The following TGFBR3 variants were observed in gnomAD, a reference collection of about 807,000 sequenced individuals.
TGFBR3 encodes transforming growth factor beta receptor 3.
A neutral mutation model predicts 87.9 loss-of-function variants in TGFBR3; 46 were observed. The ratio of observed to expected loss-of-function variants is 0.52; its 90% CI spans 0.41 to 0.67. The LOEUF (loss-of-function observed/expected upper bound fraction) is 0.67, where lower values mean the gene tolerates loss of function less well. Among genes scored for constraint, TGFBR3 ranks in the 30% least tolerant of loss-of-function variants. The pLI is 0.00. For synonymous variants in TGFBR3, 381 were observed against 391.6 expected (o/e 0.97, Z 0.32); for missense variants, 866 against 1,041.9 (o/e 0.83, Z 2.32).
chr1:91,831,033 T>C (rs778282749), intron 2 of TGFBR3, among the ~76,000 whole-genome samples: 5 of 152,036 alleles, frequency 3.3e-5, no homozygotes, highest in African/African-American at 4.8e-5. Flanking sequence ...ATCATCACCA[T>C]TGTGTTTCCA....
At chr1:91,892,286 C>T (rs1679467455) in intron 2 of TGFBR3, among the ~76,000 whole-genome samples, 1 of 152,202 alleles carries the variant, frequency 6.6e-6, no homozygotes, top group Admixed American at 6.5e-5. Flanking sequence ...GCTCTCCCAA[C>T]AGCAGGGCTG....
rs12038213 is a variant in TGFBR3 at position 91,815,301 on chromosome 1, A to T, written c.62-17830T>A. 4.3e-3 allele frequency among the ~76,000 whole-genome samples: 606 copies of T among 140,920 alleles called. 3 individuals are homozygous for T. The highest frequency in any genetic ancestry group is 7.9e-3 in the East Asian group (37 of 4,656). The allele number at this position is 140,920 out of a possible 152,430, so 92.4% of individuals were successfully genotyped here. On this transcript the variant is annotated intron_variant, in intron 2 of 16. Coordinates refer to ENST00000212355, the MANE Select transcript of TGFBR3 (RefSeq NM_003243.5). ...TGGGTGACAGAGCAAGACTCCATCT[A>T]AAAATAAAATAAAATAAAATAAAAT...
At chr1:91,891,968 C>T (rs1679460633) in intron 2 of TGFBR3, among the ~76,000 whole-genome samples, 1 of 152,106 alleles carries the variant, frequency 6.6e-6, no homozygotes, top group African/African-American at 2.4e-5. Flanking sequence ...AGAAAAAATA[C>T]AATCAGATGA....
Position 91,790,897 on chromosome 1 carries a change from C to T in TGFBR3, c.246+6390G>A, listed in dbSNP as rs113884606. Among the ~76,000 whole-genome samples, 340 of 152,260 alleles carry T rather than the reference C, an allele frequency of 2.2e-3. 2 individuals are homozygous for T. Among genetic ancestry groups the T allele is most frequent in the African/African-American group, 7.7e-3 (319 of 41,538 alleles). On this transcript the variant is annotated intron_variant, in intron 3 of 16. Transcript: ENST00000212355. ...GTTCTTTTAGTGGTGTTGGGCAAGGCACACCCACTCCTCCCCAAGCACTGT... is the reference window on the plus strand; with the variant it reads ...GTTCTTTTAGTGGTGTTGGGCAAGGTACACCCACTCCTCCCCAAGCACTGT...
At chr1:91,837,196 C>A (rs1677095959) in intron 2 of TGFBR3, among the ~76,000 whole-genome samples, 1 of 151,484 alleles carries the variant, frequency 6.6e-6, no homozygotes, top group Non-Finnish European at 1.5e-5. Flanking sequence ...AACAAATTAA[C>A]TTCATGAAGA....
intron 2 of TGFBR3, among the ~76,000 whole-genome samples, chr1:91,825,772 G>C (rs1676611269): frequency 6.6e-6 from 1 of 152,154 alleles, no homozygotes; most frequent in African/African-American, 2.4e-5. Context: ...CCTGAGGTCA[G>C]GAGTTTGAAA....
Position 91,683,496 on chromosome 1 carries a change from C to G in TGFBR3, c.*243G>C, listed in dbSNP as rs1357917139. Reference sequence around the variant, plus strand: ...GTGAGGGGCTGGTGGAGAAGACCACCATTTTAGCTTTCTCACATGAATTCT... The same window carrying G: ...GTGAGGGGCTGGTGGAGAAGACCACGATTTTAGCTTTCTCACATGAATTCT... On this transcript the variant is annotated 3_prime_UTR_variant, in exon 17 of 17. Transcript: ENST00000212355. 4.4e-6 allele frequency: 3 copies of G among 683,208 alleles called. No homozygotes were observed. The highest frequency in any genetic ancestry group is 8.0e-6 in the Non-Finnish European group (3 of 374,408). The allele number at this position is 683,208 out of a possible 1,614,324, so 42.3% of individuals were successfully genotyped here.
At chr1:91,731,412 T>C (rs935220150) in intron 5 of TGFBR3, among the ~76,000 whole-genome samples, 1 of 152,032 alleles carries the variant, frequency 6.6e-6, no homozygotes, top group East Asian at 1.9e-4. Context: ...CGAGAGAGCA[T>C]TGGGTTTGCA....
chr1:91,879,001 G>T (rs1470291144), intron 1 of TGFBR3, among the ~76,000 whole-genome samples: 1 of 152,158 alleles, frequency 6.6e-6, no homozygotes, highest in Non-Finnish European at 1.5e-5. Context: ...GGGCATGGTG[G>T]CTCACGCCTG....
intron 2 of TGFBR3, among the ~76,000 whole-genome samples, chr1:91,812,453 T>C (rs1676062780): frequency 6.6e-6 from 1 of 152,222 alleles, no homozygotes; most frequent in South Asian, 2.1e-4. Context: ...AATTTCTTCT[T>C]GGCCATCTTA....
At chr1:91,741,291 G>T (rs1289898046) in intron 4 of TGFBR3, among the ~76,000 whole-genome samples, 1 of 152,050 alleles carries the variant, frequency 6.6e-6, no homozygotes, top group South Asian at 2.1e-4. Flanking sequence ...TATGATAAAG[G>T]ATACAACTCA....
intron 3 of TGFBR3, among the ~76,000 whole-genome samples, chr1:91,774,992 T>C (rs930859243): frequency 6.6e-6 from 1 of 152,066 alleles, no homozygotes. Context: ...TTTACAGACA[T>C]TCTACTCCAA....
chr1:91,854,738 A>C (rs1267052258), intron 2 of TGFBR3, among the ~76,000 whole-genome samples: 2 of 152,170 alleles, frequency 1.3e-5, no homozygotes, highest in Non-Finnish European at 2.9e-5. Flanking sequence ...ATTTGTCAAG[A>C]GGTGCTAAGG....
At chr1:91,758,897 T>G (rs1673848439) in intron 3 of TGFBR3, 147 bp from the exon 4 acceptor site, 1 of 1,035,942 alleles carries the variant, frequency 9.7e-7, no homozygotes, top group African/African-American at 1.6e-5. Context: ...TAAGATACAT[T>G]AAGTTGAACC....
intron 14 of TGFBR3, among the ~76,000 whole-genome samples, chr1:91,707,740 G>A (rs960557764): frequency 4.6e-5 from 7 of 152,178 alleles, no homozygotes; most frequent in African/African-American, 1.4e-4. Context: ...CTCTCAGTTT[G>A]ACACCCTTAG....
chr1:91,871,914 T>C (rs570324862), intron 1 of TGFBR3, among the ~76,000 whole-genome samples: 1 of 152,356 alleles, frequency 6.6e-6, no homozygotes, highest in Non-Finnish European at 1.5e-5. Context: ...CATGGGATTG[T>C]TATGATGACT....
chr1:91,882,681 C>T (rs573603204), intron 1 of TGFBR3, among the ~76,000 whole-genome samples: 1 of 152,004 alleles, frequency 6.6e-6, no homozygotes, highest in African/African-American at 2.4e-5. Flanking sequence ...GGAGGTGGAG[C>T]TTGCAGTGAG....
rs959041158 is a variant in TGFBR3, at chr1:91,727,906, T to G, written c.738-100A>C. On this transcript the variant is annotated intron_variant, in intron 6 of 16. Coordinates refer to ENST00000212355, the MANE Select transcript of TGFBR3 (RefSeq NM_003243.5). ...TTCATGTTTCTAGTGTCTGGCCAGT[T>G]GATTAAAAAGCTGGAGTTGATCCCA... 4.8e-6 allele frequency: 7 copies of G among 1,446,268 alleles called. No individual in the cohort carries two copies. In the African/African-American group the frequency reaches 9.9e-5, roughly 20 times the overall value. 89.6% of individuals were successfully genotyped at this position (1,446,268 alleles called of 1,614,324 possible). A position where few individuals can be genotyped will look rare whatever the true frequency, so the allele number is the denominator to read the frequency against.
intron 4 of TGFBR3, among the ~76,000 whole-genome samples, chr1:91,758,149 A>G (rs1340987025): frequency 1.3e-5 from 2 of 152,148 alleles, no homozygotes; most frequent in Admixed American, 6.5e-5. Flanking sequence ...AAATGACTTC[A>G]TTTTGGAGCT....
Sources: allele counts gnomAD v4.1 joint callset (sites outside exome capture counted in the v4.1 genomes callset), GRCh38; gene constraint gnomAD v4.1.1; transcripts MANE v1.5; gene names NCBI Gene and HGNC (gene_info 2026-07-23, HGNC 2026-07-21).